Variants in LPCAT1 observed in about 807,000 individuals in gnomAD.
The protein encoded by LPCAT1 is lysophosphatidylcholine acyltransferase 1.
In LPCAT1, 23 loss-of-function variants were observed where a neutral mutation model predicts 60.9. The observed-to-expected ratio is 0.38, with a 90% CI of 0.27 to 0.53. The LOEUF is 0.53. LPCAT1 is among the 20% of genes least tolerant of loss of function. The pLI, the probability that LPCAT1 is intolerant of heterozygous loss-of-function variation, is 0.82. For missense variants in LPCAT1, 622 were observed against 723.6 expected (o/e 0.86, Z 1.61); for synonymous variants, 340 against 301.1 (o/e 1.13, Z -1.34).
rs571830733 is a variant in LPCAT1, at chr5:1,476,332, G to A, written c.899+1072C>T. On this transcript the variant is annotated intron_variant, in intron 9 of 13. Transcript: ENST00000283415. This position sits in a 1 kb window ranked among gnomAD's most constrained non-coding sequence, Gnocchi z 8.6. ...TGGTGGGGGTTGAGTGGAGCTTTGC[G>A]GGACAGAGACTGCCGGGCCCATTTC... Among the ~76,000 whole-genome samples, 22 of 152,242 alleles carry A rather than the reference G, an allele frequency of 1.4e-4. No homozygotes were observed. Among genetic ancestry groups the A allele is most frequent in the African/African-American group, 4.6e-4 (19 of 41,530 alleles).
At chr5:1,467,609 T>C (rs920890265) in intron 12 of LPCAT1, among the ~76,000 whole-genome samples, 1 of 151,948 alleles carries the variant, frequency 6.6e-6, no homozygotes, top group African/African-American at 2.4e-5. Flanking sequence ...GCCCTGGAGA[T>C]CCCCCAGACC....
intron 11 of LPCAT1, among the ~76,000 whole-genome samples, chr5:1,471,900 TGAG>T (rs1323247218): frequency 8.0e-6 from 1 of 125,264 alleles, no homozygotes; most frequent in Non-Finnish European, 1.7e-5. Flanking sequence ...CAAGAGAAGA[TGAG>T]GAGCACCCAG....
chr5:1,473,033 G>A (rs1054712190), intron 11 of LPCAT1, among the ~76,000 whole-genome samples: 2 of 144,706 alleles, frequency 1.4e-5, no homozygotes, highest in African/African-American at 4.9e-5. Flanking sequence ...TTGCCTCTGG[G>A]TGCTCCTCTC....
rs111298049 is a variant in LPCAT1 at position 1,498,599 on chromosome 5, T to G, written c.278+2862A>C. On this transcript the variant is annotated intron_variant, in intron 2 of 13. Transcript: ENST00000283415. ...CACATATGTACATACATCATACATA[T>G]GTGGACACCTGTACACACGTACACT... Among the ~76,000 whole-genome samples, 925 of 152,232 alleles carry G rather than the reference T, an allele frequency of 6.1e-3. 6 individuals are homozygous for G. The highest frequency in any genetic ancestry group is 9.1e-3 in the Non-Finnish European group (620 of 68,014).
At chr5:1,482,732 T>TGGGGG (rs1735209471) in intron 6 of LPCAT1, among the ~76,000 whole-genome samples, 5 of 6,682 alleles carry the variant, frequency 7.5e-4, no homozygotes, top group African/African-American at 2.2e-3. Context: ...TGGGGTGGGG[T>TGGGGG]GGGGTGTGGT....
Position 1,523,728 on chromosome 5 carries a change from G to A in LPCAT1, c.117C>T (p.Ser39=), listed in dbSNP as rs1736747202. The change falls in exon 1 of 14, where the codon AGC becomes AGT. Residue 39 remains serine (S), a synonymous_variant. Transcript: ENST00000283415. This position sits in a 1 kb window ranked among gnomAD's most constrained non-coding sequence, Gnocchi z 7.1. Reference sequence around the variant, plus strand: ...CACCCACCTGGGCCTTCTGCAGGGCGCTGAGGCGCAGCTCGTGCACGAAGG... The same window carrying A: ...CACCCACCTGGGCCTTCTGCAGGGCACTGAGGCGCAGCTCGTGCACGAAGG... ...RNPFVHELRL[S]ALQKAQVALM... is the part of the protein sequence containing the mutation. The A allele has an allele frequency of 2.6e-6, 3 of 1,170,798 alleles. No individual in the cohort carries two copies. The highest frequency in any genetic ancestry group is 2.3e-5 in the South Asian group (1 of 43,454). 72.5% of individuals were successfully genotyped at this position (1,170,798 alleles called of 1,614,324 possible).
Position 1,501,621 on chromosome 5 carries a change from C to T in LPCAT1, c.136-18G>A. ...AGGGCCACCTGCAGACAGAGGGGGGCATTATCCAGAGAATCCATGTAGGAC... is the reference window on the plus strand; with the variant it reads ...AGGGCCACCTGCAGACAGAGGGGGGTATTATCCAGAGAATCCATGTAGGAC... On this transcript the variant is annotated intron_variant, in intron 1 of 13. Transcript: ENST00000283415. The T allele has an allele frequency of 6.2e-7, 1 of 1,613,080 alleles. No individual in the cohort carries two copies. Among genetic ancestry groups the T allele is most frequent in the Non-Finnish European group, 8.5e-7 (1 of 1,179,318 alleles).
intron 13 of LPCAT1, among the ~76,000 whole-genome samples, chr5:1,464,197 G>C (rs1053565034): frequency 2.0e-5 from 3 of 152,256 alleles, no homozygotes; most frequent in African/African-American, 7.2e-5. Context: ...TGTCTGGACA[G>C]TGATCTGGCG....
Position 1,477,637 on chromosome 5 carries a change from C to T in LPCAT1, c.817-151G>A, listed in dbSNP as rs530352525. The stretch of plus-strand genomic sequence containing the variant: ...AAGTTGTCATGTGCACGTGTGTGTA[C>T]GCACACACACACCCCCATGATGCAT... On this transcript the variant is annotated intron_variant, in intron 8 of 13. Coordinates refer to ENST00000283415, the MANE Select transcript of LPCAT1 (RefSeq NM_024830.5). The surrounding 1 kb of genome is among the most constrained non-coding windows in gnomAD (Gnocchi z 6.0). 1.5e-4 allele frequency: 91 copies of T among 604,050 alleles called. No individual in the cohort carries two copies. The highest frequency in any genetic ancestry group is 3.1e-4 in the Admixed American group (11 of 35,026). 37.4% of individuals were successfully genotyped at this position (604,050 alleles called of 1,614,324 possible). A position where few individuals can be genotyped will look rare whatever the true frequency, so the allele number is the denominator to read the frequency against.
chr5:1,489,733 C>G lies in LPCAT1; in HGVS notation c.606+13G>C. The G allele has an allele frequency of 6.4e-7, 1 of 1,551,970 alleles. No homozygotes were observed. The highest frequency in any genetic ancestry group is 8.9e-7 in the Non-Finnish European group (1 of 1,123,184). Reference sequence around the variant, plus strand: ...TAAAACCACTGAAACACAATCAGGGCTACGTGCATTACCTGTGGCCACTTT... The same window carrying G: ...TAAAACCACTGAAACACAATCAGGGGTACGTGCATTACCTGTGGCCACTTT... On this transcript the variant is annotated intron_variant, in intron 4 of 13. Coordinates refer to ENST00000283415, the MANE Select transcript of LPCAT1 (RefSeq NM_024830.5).
chr5:1,473,962 C>A lies in LPCAT1; in HGVS notation c.1174G>T (p.Asp392Tyr). ...CCGCAGGCGACAGGCCCTACCTCGT[C>A]GAACAGTGAAAACATGTCTTCCAGC... ...DLLEDMFSLF[D>Y]ESGSGEVDLR... is the part of the protein sequence containing the mutation. Residue 392 changes from aspartate (D) to tyrosine (Y), a missense_variant, in exon 11 of 14, where the codon GAC (aspartate) becomes TAC (tyrosine). Asp to Tyr is a radical substitution (Grantham distance 160). This residue lies in a region of LPCAT1 where 288 missense variants were observed against 283.6 expected (regional missense o/e 1.02). Coordinates refer to ENST00000283415, the MANE Select transcript of LPCAT1 (RefSeq NM_024830.5). 1 of 1,614,100 alleles carries A rather than the reference C, an allele frequency of 6.2e-7. No individual in the cohort carries two copies. Among genetic ancestry groups the A allele is most frequent in the Non-Finnish European group, 8.5e-7 (1 of 1,180,004 alleles).
intron 13 of LPCAT1, among the ~76,000 whole-genome samples, chr5:1,464,565 A>AACAC (rs201706598): frequency 6.6e-6 from 1 of 152,108 alleles, no homozygotes; most frequent in Non-Finnish European, 1.5e-5. Context: ...CACACATGCA[A>AACAC]ACACACACAC....
At chr5:1,466,138 C>G (rs550214208) in intron 13 of LPCAT1, among the ~76,000 whole-genome samples, 4 of 152,388 alleles carry the variant, frequency 2.6e-5, no homozygotes, top group African/African-American at 9.6e-5. Flanking sequence ...GTAGCTCATT[C>G]ACACTGCAGG....
chr5:1,517,677 A>C (rs3924939), intron 1 of LPCAT1, among the ~76,000 whole-genome samples: 36,836 of 105,498 alleles, frequency 0.35, 5,545 homozygotes, highest in East Asian at 0.59. Context: ...ATTCAACTGC[A>C]AAAAAAAAAG....
intron 1 of LPCAT1, among the ~76,000 whole-genome samples, chr5:1,507,452 G>C (rs1470554989): frequency 6.6e-6 from 1 of 152,264 alleles, no homozygotes; most frequent in East Asian, 1.9e-4. Context: ...TCCAGGCAGT[G>C]ACCTGCCCAC....
intron 12 of LPCAT1, among the ~76,000 whole-genome samples, chr5:1,468,055 C>G (rs27622): frequency 0.52 from 79,555 of 151,946 alleles, 22,566 homozygotes; most frequent in East Asian, 0.85. Flanking sequence ...CCTTCACCTC[C>G]ACCGGCTCCT....
intron 1 of LPCAT1, among the ~76,000 whole-genome samples, chr5:1,519,305 TTATG>T (rs1296671097): frequency 1.3e-5 from 2 of 152,262 alleles, no homozygotes; most frequent in Non-Finnish European, 2.9e-5. Flanking sequence ...GTGTATGCAC[TTATG>T]TATATGTGTA....
At chr5:1,485,661 A>C (rs910382062) in intron 5 of LPCAT1, among the ~76,000 whole-genome samples, 4 of 152,182 alleles carry the variant, frequency 2.6e-5, no homozygotes, top group Admixed American at 2.0e-4. Context: ...GAAACAGTCC[A>C]CCATGGCCCA....
In LPCAT1 at chr5:1,466,839, T is replaced by C; in HGVS notation, c.1330A>G (p.Ile444Val). The stretch of plus-strand genomic sequence containing the variant: ...GCCACCCCCAGGGCCGTCTTGAGGA[T>C]GCAGGACAGGTCACCTTCGCCGACG... ...GSVGEGDLSC[I>V]LKTALGVAEL... The change falls in exon 13 of 14, where the codon ATC becomes GTC. Residue 444 changes from isoleucine to valine, a missense_variant. Physicochemically the swap from Ile to Val is conservative, Grantham distance 29 (BLOSUM62 3). Transcript: ENST00000283415. 4.3e-6 allele frequency: 7 copies of C among 1,612,238 alleles called. No individual in the cohort carries two copies. Among genetic ancestry groups the C allele is most frequent in the Non-Finnish European group, 5.9e-6 (7 of 1,178,894 alleles).
Sources: allele counts gnomAD v4.1 joint callset (sites outside exome capture counted in the v4.1 genomes callset), GRCh38; gene constraint gnomAD v4.1.1; regional missense constraint gnomAD v4.1.1; non-coding constraint Gnocchi (gnomAD v3.1); transcripts MANE v1.5; gene names NCBI Gene and HGNC (gene_info 2026-07-23, HGNC 2026-07-21).